PHF14: variants seen among roughly 807,000 people sequenced by gnomAD.
The protein encoded by PHF14 is PHD finger protein 14.
Under a neutral mutation model 117.9 loss-of-function variants are expected in PHF14, and 55 were observed. That is an observed-to-expected ratio of 0.47 (90% CI 0.38 to 0.58). The LOEUF (loss-of-function observed/expected upper bound fraction) is 0.58. PHF14 is among the 20% of genes least tolerant of loss of function. PHF14 has a pLI of 0.00. For synonymous variants in PHF14, 409 were observed against 368.6 expected (o/e 1.11, Z -1.26); for missense variants, 978 against 1,122.2 (o/e 0.87, Z 1.84).
intron 8 of PHF14, 74 bp downstream of exon 8, chr7:11,035,860 C>T (rs988014393): frequency 8.8e-6 from 10 of 1,142,078 alleles, no homozygotes; most frequent in Non-Finnish European, 3.8e-6. Context: ...CGTGTGGCTT[C>T]CAGTGACATG....
chr7:11,086,868 C>T (rs1219345485), intron 16 of PHF14, among the ~76,000 whole-genome samples: 2 of 152,004 alleles, frequency 1.3e-5, no homozygotes, highest in African/African-American at 4.8e-5. Flanking sequence ...TAAATTCTTA[C>T]TTGAGTTTTA....
intron 3 of PHF14, among the ~76,000 whole-genome samples, chr7:10,987,232 C>G (rs543985166): frequency 6.6e-5 from 10 of 152,232 alleles, no homozygotes; most frequent in Middle Eastern, 3.4e-3. Context: ...GAGAATTTAA[C>G]CTTTTCTAAA....
At position 11,109,621 on chromosome 7, in the gene PHF14, T is replaced by A. The variant is rs1053175485; in HGVS notation, c.2655-1729T>A. 3 of 151,898 alleles carry A rather than the reference T, an allele frequency of 2.0e-5. No homozygotes were observed. In the South Asian group the frequency reaches 6.2e-4, roughly 31 times the overall value. 9.4% of individuals were successfully genotyped at this position (151,898 alleles called of 1,614,324 possible). On this transcript the variant is annotated intron_variant, in intron 16 of 17. Coordinates refer to ENST00000634607, the MANE Select transcript of PHF14 (RefSeq NM_001007157.2). ...AATTTTGGCTAATGAAAGGTAAATA[T>A]GTTGTACTGAGAAAGAGCATAAAAT... is the stretch of plus-strand genomic sequence containing the variant.
intron 16 of PHF14, chr7:11,102,767 C>G (rs747796982): frequency 5.1e-6 from 7 of 1,379,552 alleles, no homozygotes; most frequent in Non-Finnish European, 6.6e-6. Context: ...CTTCTTTTTG[C>G]TTTTTTTGCA....
At chr7:11,100,751 C>T (rs747418501) in intron 16 of PHF14, among the ~76,000 whole-genome samples, 6 of 151,772 alleles carry the variant, frequency 4.0e-5, no homozygotes, top group Non-Finnish European at 8.8e-5. Context: ...ATTACTTGCC[C>T]AAGATTGTAC....
At chr7:11,082,754 C>T (rs891864115) in intron 16 of PHF14, among the ~76,000 whole-genome samples, 1 of 152,148 alleles carries the variant, frequency 6.6e-6, no homozygotes, top group African/African-American at 2.4e-5. Flanking sequence ...ATGTCAGGAG[C>T]CTCTCTTTAG....
chr7:11,129,269 C>T lies in PHF14; in HGVS notation c.2772+17802C>T, dbSNP rs529650298. 1.2e-4 allele frequency among the ~76,000 whole-genome samples: 19 copies of T among 152,172 alleles called. No homozygotes were observed. The East Asian group carries it at 3.5e-3, about 28-fold the overall frequency. On this transcript the variant is annotated intron_variant, in intron 17 of 17. Transcript: ENST00000634607. The stretch of plus-strand genomic sequence containing the variant: ...TTGAAACAACAAATGATGTTTGGAA[C>T]ATAAATTTCTGGCAGCCATGACCCA...
intron 13 of PHF14, among the ~76,000 whole-genome samples, chr7:11,050,644 C>T (rs1317786694): frequency 6.6e-6 from 1 of 152,060 alleles, no homozygotes; most frequent in Non-Finnish European, 1.5e-5. Context: ...GGCCACTGTT[C>T]TGGACAGCAC....
intron 17 of PHF14, among the ~76,000 whole-genome samples, chr7:11,121,673 G>A (rs186812134): frequency 2.6e-5 from 4 of 152,128 alleles, no homozygotes; most frequent in African/African-American, 9.6e-5. Flanking sequence ...GTACTGTGAT[G>A]GTCGATCTAG....
chr7:11,107,730 A>C, intron 16 of PHF14: 1 of 798,972 alleles, frequency 1.3e-6, no homozygotes, highest in Non-Finnish European at 1.5e-6. Context: ...TTAATAAAGT[A>C]TATTGTGTTA....
chr7:11,161,862 G>A (rs1485521774), intron 17 of PHF14, among the ~76,000 whole-genome samples: 1 of 149,926 alleles, frequency 6.7e-6, no homozygotes, highest in Non-Finnish European at 1.5e-5. Context: ...ACCAATGTAG[G>A]AGCCTCTTAA....
intron 17 of PHF14, among the ~76,000 whole-genome samples, chr7:11,128,703 C>A (rs1334104489): frequency 6.6e-6 from 1 of 151,476 alleles, no homozygotes; most frequent in East Asian, 1.9e-4. Flanking sequence ...TCTCTCTCCC[C>A]CCGCCCCCAC....
rs951270672 is a variant in PHF14 at position 11,005,787 on chromosome 7, CTTTT to C, written c.1046-7939_1046-7936del. The stretch of plus-strand genomic sequence containing the variant: ...GGATAGATACCTAGAAGTAAAAATT[CTTTT>C]TTTTTTTTTTTTTTTTTTTTGAGAC... On this transcript the variant is annotated intron_variant, in intron 4 of 17. Coordinates refer to ENST00000634607, the MANE Select transcript of PHF14 (RefSeq NM_001007157.2). 1.8e-4 allele frequency among the ~76,000 whole-genome samples: 15 copies of C among 84,464 alleles called. No homozygotes were observed. The East Asian group carries it at 3.5e-3, about 20-fold the overall frequency. The allele number at this position is 84,464 out of a possible 152,430, so 55.4% of individuals were successfully genotyped here.
At chr7:11,117,146 G>A (rs1787621288) in intron 17 of PHF14, among the ~76,000 whole-genome samples, 1 of 151,844 alleles carries the variant, frequency 6.6e-6, no homozygotes, top group Non-Finnish European at 1.5e-5. Flanking sequence ...CGCCACTGAG[G>A]ATTTAAATAT....
At chr7:11,007,983 A>G (rs1391960712) in intron 4 of PHF14, among the ~76,000 whole-genome samples, 1 of 152,172 alleles carries the variant, frequency 6.6e-6, no homozygotes, top group Admixed American at 6.5e-5. Flanking sequence ...TAGTATAAAT[A>G]TCTTTGTGGG....
chr7:11,062,047 A>G lies in PHF14; in HGVS notation c.2616A>G (p.Ala872=). 6.2e-7 allele frequency: 1 copy of G among 1,608,760 alleles called. No individual in the cohort carries two copies. The highest frequency in any genetic ancestry group is 8.5e-7 in the Non-Finnish European group (1 of 1,177,146). The stretch of plus-strand genomic sequence containing the variant: ...CTGAAGATTTAAGAACTGAATGTGC[A>G]ACTTGCAAGGGAACTGGAGACAATG... ...PKAEDLRTEC[A]TCKGTGDNEN... Residue 872 remains alanine, a synonymous_variant, in exon 16 of 18, where the codon GCA becomes GCG. Transcript: ENST00000634607.
At chr7:11,150,104 A>G (rs944472673) in intron 17 of PHF14, among the ~76,000 whole-genome samples, 1 of 152,176 alleles carries the variant, frequency 6.6e-6, no homozygotes, top group Non-Finnish European at 1.5e-5. Context: ...TCATACATTC[A>G]TATGAAATAT....
At chr7:11,069,380 A>G (rs550728137) in intron 16 of PHF14, among the ~76,000 whole-genome samples, 19 of 152,248 alleles carry the variant, frequency 1.2e-4, no homozygotes, top group African/African-American at 4.6e-4. Context: ...CGCATGGAGA[A>G]GTGCCTTCAA....
chr7:11,032,904 A>G (rs1784169307), intron 7 of PHF14, among the ~76,000 whole-genome samples: 2 of 152,212 alleles, frequency 1.3e-5, no homozygotes, highest in South Asian at 2.1e-4. Flanking sequence ...GGTAATGGTT[A>G]AGGAAGATGG....
Sources: allele counts gnomAD v4.1 joint callset (sites outside exome capture counted in the v4.1 genomes callset), GRCh38; gene constraint gnomAD v4.1.1; transcripts MANE v1.5; gene names NCBI Gene and HGNC (gene_info 2026-07-23, HGNC 2026-07-21).